Variants in LIMA1 observed in about 807,000 individuals in gnomAD.
LIMA1 encodes the protein LIM domain and actin-binding protein 1.
Under a neutral mutation model 62.6 loss-of-function variants are expected in LIMA1, and 52 were observed. That is an observed-to-expected ratio of 0.83 (90% CI 0.67 to 1.05). LIMA1 has a LOEUF of 1.05. Among genes scored for constraint, LIMA1 ranks in the 50% least tolerant of loss-of-function variants. LIMA1 has a pLI of 0.00. For missense variants in LIMA1, 780 were observed against 902.2 expected (o/e 0.86, Z 1.74); for synonymous variants, 302 against 317.8 (o/e 0.95, Z 0.53).
intron 9 of LIMA1, among the ~76,000 whole-genome samples, chr12:50,183,810 C>CAAAA (rs34778877): frequency 2.1e-4 from 12 of 56,386 alleles, no homozygotes; most frequent in South Asian, 9.2e-4. Flanking sequence ...GACTTGGTCT[C>CAAAA]AAAAAAAAAA....
chr12:50,227,731 C>A (rs1017202826), intron 3 of LIMA1, among the ~76,000 whole-genome samples: 17 of 152,218 alleles, frequency 1.1e-4, no homozygotes, highest in African/African-American at 3.9e-4. Flanking sequence ...CCTCTTGGTC[C>A]TTTAGGGTTG....
intron 7 of LIMA1, among the ~76,000 whole-genome samples, chr12:50,197,811 C>CTTT (rs35654401): frequency 6.8e-6 from 1 of 147,690 alleles, no homozygotes; most frequent in Non-Finnish European, 1.5e-5. Flanking sequence ...TTCTTTCTTT[C>CTTT]TTTTTTTTTT....
chr12:50,193,650 GTA>G (rs1245022184), intron 8 of LIMA1, among the ~76,000 whole-genome samples: 4 of 64,316 alleles, frequency 6.2e-5, no homozygotes, highest in African/African-American at 1.9e-4. Context: ...GTGTGTGTGT[GTA>G]TATATATATA....
intron 7 of LIMA1, among the ~76,000 whole-genome samples, chr12:50,199,288 G>A (rs1940993592): frequency 6.6e-6 from 1 of 151,988 alleles, no homozygotes; most frequent in South Asian, 2.1e-4. Flanking sequence ...CTGAGATCAC[G>A]CCACTGCACT....
At chr12:50,239,801 G>C (rs1941746618) in intron 2 of LIMA1, among the ~76,000 whole-genome samples, 1 of 151,922 alleles carries the variant, frequency 6.6e-6, no homozygotes, top group Non-Finnish European at 1.5e-5. Context: ...TTTGAGAAAA[G>C]CCTAGGCAAC....
intron 1 of LIMA1, among the ~76,000 whole-genome samples, chr12:50,275,374 A>T (rs962326126): frequency 6.6e-6 from 1 of 152,146 alleles, no homozygotes; most frequent in African/African-American, 2.4e-5. Flanking sequence ...TCAAAATAAT[A>T]AAATAAAATG....
chr12:50,181,779 C>T (rs1940507271), intron 10 of LIMA1, 125 bp downstream of exon 10: 1 of 1,021,624 alleles, frequency 9.8e-7, no homozygotes, highest in African/African-American at 1.6e-5. Context: ...ATGCTTTTTA[C>T]TTTATTCAAG....
chr12:50,266,411 A>G (rs1432165298), intron 1 of LIMA1, among the ~76,000 whole-genome samples: 1 of 152,212 alleles, frequency 6.6e-6, no homozygotes, highest in Non-Finnish European at 1.5e-5. Flanking sequence ...GCTGTTCAGC[A>G]ATTATTTATT....
intron 1 of LIMA1, among the ~76,000 whole-genome samples, chr12:50,269,777 G>A (rs1197908009): frequency 6.6e-5 from 10 of 151,176 alleles, no homozygotes; most frequent in African/African-American, 2.2e-4. Flanking sequence ...AAAATTAGCC[G>A]GGTGTGGTGG....
intron 2 of LIMA1, 50 bp downstream of exon 2, chr12:50,248,583 C>A (rs1164419610): frequency 1.8e-6 from 2 of 1,105,508 alleles, no homozygotes; most frequent in East Asian, 2.4e-5. Flanking sequence ...TGACAGGTGG[C>A]AATGTGTGCT....
chr12:50,233,134 G>A (rs540432118), intron 2 of LIMA1, among the ~76,000 whole-genome samples: 9 of 152,264 alleles, frequency 5.9e-5, no homozygotes, highest in African/African-American at 1.9e-4. Flanking sequence ...AGATCCCCGT[G>A]GATAAGGTCA....
intron 1 of LIMA1, among the ~76,000 whole-genome samples, chr12:50,258,442 A>G (rs1024545723): frequency 1.3e-5 from 2 of 151,756 alleles, no homozygotes; most frequent in African/African-American, 4.8e-5. Flanking sequence ...GACTAGACAC[A>G]TGCCACCGCG....
At chr12:50,219,050 C>T (rs1193747304) in intron 4 of LIMA1, among the ~76,000 whole-genome samples, 1 of 151,940 alleles carries the variant, frequency 6.6e-6, no homozygotes. Context: ...GAAGTTAAAA[C>T]GTGAAATATT....
chr12:50,280,170 T>G (rs1350662913), intron 1 of LIMA1, among the ~76,000 whole-genome samples: 1 of 142,976 alleles, frequency 7.0e-6, no homozygotes, highest in Admixed American at 6.9e-5. Flanking sequence ...TTTTTTTTTT[T>G]TTGAGACGGA....
chr12:50,182,202 A>G (rs145838293), intron 9 of LIMA1, 165 bp from the exon 10 acceptor site: 130 of 675,336 alleles, frequency 1.9e-4, no homozygotes, highest in Admixed American at 5.8e-4. Flanking sequence ...TTTAAAGCCA[A>G]GAGGCTCTCT....
chr12:50,279,006 TTTTC>T (rs915740376), intron 1 of LIMA1, among the ~76,000 whole-genome samples: 12 of 95,234 alleles, frequency 1.3e-4, no homozygotes, highest in Non-Finnish European at 7.5e-5. Context: ...TTTTCTTTTC[TTTTC>T]TTTTTTTTTT....
At chr12:50,193,650 G>GTGTA (rs1347784875) in intron 8 of LIMA1, among the ~76,000 whole-genome samples, 79 of 64,288 alleles carry the variant, frequency 1.2e-3, no homozygotes, top group African/African-American at 2.3e-3. Flanking sequence ...GTGTGTGTGT[G>GTGTA]TATATATATA....
At chr12:50,223,382 C>T (rs7132955) in intron 3 of LIMA1, among the ~76,000 whole-genome samples, 1 of 151,754 alleles carries the variant, frequency 6.6e-6, no homozygotes, top group East Asian at 1.9e-4. Context: ...ACTCTGGAGG[C>T]TGAGGCAGGA....
At chr12:50,280,907 A>G (rs1942332590) in intron 1 of LIMA1, among the ~76,000 whole-genome samples, 1 of 152,184 alleles carries the variant, frequency 6.6e-6, no homozygotes, top group South Asian at 2.1e-4. Context: ...AGTGAAAGAC[A>G]ATAGCAAACT....
Sources: gnomAD v4.1 joint callset for allele counts (sites outside exome capture counted in the v4.1 genomes callset) on GRCh38, gnomAD v4.1.1 for gene constraint, MANE v1.5 for transcripts, NCBI Gene and HGNC (gene_info 2026-07-23, HGNC 2026-07-21) for gene names.